FUCA2: variants seen among roughly 807,000 people sequenced by gnomAD.
The protein encoded by FUCA2 is plasma alpha-L-fucosidase.
A neutral mutation model predicts 52.6 loss-of-function variants in FUCA2; 41 were observed. The observed-to-expected ratio is 0.78, with a 90% CI of 0.61 to 1.01. The LOEUF (loss-of-function observed/expected upper bound fraction) is 1.01, where lower values mean the gene tolerates loss of function less well. FUCA2 is among the 50% of genes least tolerant of loss of function. FUCA2 has a pLI of 0.00. For synonymous variants in FUCA2, 211 were observed against 217.3 expected, an observed-to-expected ratio of 0.97 and a Z score of 0.26; for missense variants, 507 against 569.5, an observed-to-expected ratio of 0.89 and a Z score of 1.12.
Position 143,495,906 on chromosome 6 carries a change from T to C in FUCA2, c.1264-59A>G. On this transcript the variant is annotated intron_variant, in intron 6 of 6. Transcript: ENST00000002165. This position sits in a 1 kb window ranked among gnomAD's most constrained non-coding sequence, Gnocchi z 5.2. The stretch of plus-strand genomic sequence containing the variant: ...AATTTATCTCTTTATCTCACCCACT[T>C]TCTATTGGGAAGGAGTGATTAGTAG... 1.3e-6 allele frequency: 2 copies of C among 1,570,662 alleles called. No individual in the cohort carries two copies. Among genetic ancestry groups the C allele is most frequent in the South Asian group, 2.3e-5 (2 of 87,700 alleles).
chr6:143,507,406 T>C lies in FUCA2; in HGVS notation c.243A>G (p.Glu81=), dbSNP rs114388392. The C allele has an allele frequency of 1.6e-4, 261 of 1,598,666 alleles. 2 individuals carry two copies. The East Asian group carries it at 1.9e-3, about 12-fold the overall frequency. ...SEWFWWYWQK[E]KIPKYVEFMK... The stretch of plus-strand genomic sequence containing the variant: ...TAAATTCCACATACTTCGGTATCTT[T>C]TCCTTTTGCCAATACCACCTAAGGG... The change falls in exon 2 of 7, where the codon GAA becomes GAG. Residue 81 remains glutamate, a synonymous_variant. Coordinates refer to ENST00000002165, the MANE Select transcript of FUCA2 (RefSeq NM_032020.5). This position sits in a 1 kb window ranked among gnomAD's most constrained non-coding sequence, Gnocchi z 4.5.
rs947207316 is a variant in FUCA2, at chr6:143,511,038, T to C, written c.224+373A>G. Among the ~76,000 whole-genome samples the C allele has an allele frequency of 2.6e-5, 4 of 152,190 alleles. No homozygotes were observed. The highest frequency in any genetic ancestry group is 3.9e-4 in the East Asian group (2 of 5,192). On this transcript the variant is annotated intron_variant, in intron 1 of 6. Coordinates refer to ENST00000002165, the MANE Select transcript of FUCA2 (RefSeq NM_032020.5). The surrounding 1 kb of genome is among the most constrained non-coding windows in gnomAD (Gnocchi z 6.3). ...TTGGCAGGTAGCAGCAGAGCAACCATAGGCCATTGTGCCTGAGTCACCGCT... is the reference window on the plus strand; with the variant it reads ...TTGGCAGGTAGCAGCAGAGCAACCACAGGCCATTGTGCCTGAGTCACCGCT...
At position 143,511,572 on chromosome 6, in the gene FUCA2, C is replaced by T; in HGVS notation, c.63G>A (p.Leu21=). 1.2e-5 allele frequency: 19 copies of T among 1,561,054 alleles called. No homozygotes were observed. The highest frequency in any genetic ancestry group is 1.6e-5 in the Non-Finnish European group (19 of 1,153,384). ...FPLLLLLLLL[L]PPPPCPAHSA... ...TGTGGGCAGGGCACGGCGGCGGCGG[C>T]AGCAGCAGCAACAGCAACAGCAGCA... The change falls in exon 1 of 7, where the codon CTG becomes CTA. Residue 21 remains leucine, a synonymous_variant. Coordinates refer to ENST00000002165, the MANE Select transcript of FUCA2 (RefSeq NM_032020.5). The surrounding 1 kb of genome is among the most constrained non-coding windows in gnomAD (Gnocchi z 6.3).
intron 6 of FUCA2, chr6:143,496,464 G>C (rs1355376583): frequency 6.6e-6 from 1 of 152,062 alleles, no homozygotes; most frequent in African/African-American, 2.4e-5. Flanking sequence ...TCATACCTGG[G>C]CTACTAAGCT....
rs747323648 is a variant in FUCA2, at chr6:143,495,897, T to C, written c.1264-50A>G. 1 of 1,587,376 alleles carries C rather than the reference T, an allele frequency of 6.3e-7. No homozygotes were observed. The highest frequency in any genetic ancestry group is 8.6e-7 in the Non-Finnish European group (1 of 1,161,290). ...ATGTCTCCAAATTTATCTCTTTATC[T>C]CACCCACTTTCTATTGGGAAGGAGT... On this transcript the variant is annotated intron_variant, in intron 6 of 6. Transcript: ENST00000002165. The surrounding 1 kb of genome is among the most constrained non-coding windows in gnomAD (Gnocchi z 5.2).
rs1397585225 is a variant in FUCA2, at chr6:143,495,790, T to C, written c.1321A>G (p.Ile441Val). ...GTTAGCTGTGGCAGTTCTACCATAA[T>C]GCCATTTTGCTCCAAAGAAATCCAG... is the stretch of plus-strand genomic sequence containing the variant. Reference protein sequence around the residue: ...LNWISLEQNGIMVELPQLTIH... With the variant: ...LNWISLEQNGVMVELPQLTIH... Residue 441 changes from isoleucine (I) to valine (V), a missense_variant, in exon 7 of 7, where the codon ATT becomes GTT. Ile to Val is a conservative substitution (Grantham distance 29, BLOSUM62 3). Coordinates refer to ENST00000002165, the MANE Select transcript of FUCA2 (RefSeq NM_032020.5). The surrounding 1 kb of genome is among the most constrained non-coding windows in gnomAD (Gnocchi z 5.2). The C allele has an allele frequency of 2.5e-6, 4 of 1,614,008 alleles. No homozygotes were observed. Among genetic ancestry groups the C allele is most frequent in the Non-Finnish European group, 3.4e-6 (4 of 1,180,002 alleles).
At chr6:143,496,289 A>G (rs1584024209) in intron 6 of FUCA2, 1 of 153,872 alleles carries the variant, frequency 6.5e-6, no homozygotes, top group East Asian at 1.9e-4. Flanking sequence ...TAGTCTTACT[A>G]TACTAAGCAA....
In FUCA2 at chr6:143,502,398, T is replaced by A. The variant is rs1345621481; in HGVS notation, c.920A>T (p.Glu307Val). The change falls in exon 4 of 7, where the codon GAA becomes GTA. Residue 307 changes from glutamate to valine, a missense_variant. Physicochemically the swap from Glu to Val is moderately radical, Grantham distance 121 (BLOSUM62 -2). Transcript: ENST00000002165. The surrounding 1 kb of genome is among the most constrained non-coding windows in gnomAD (Gnocchi z 4.1). ...IDKLSWGYRR[E>V]AGISDYLTIE... Reference sequence around the variant, plus strand: ...TGTAAGATAGTCAGAGATTCCAGCTTCCCTCCTATAGCCCCAGGACAGTTT... The same window carrying A: ...TGTAAGATAGTCAGAGATTCCAGCTACCCTCCTATAGCCCCAGGACAGTTT... The A allele has an allele frequency of 1.2e-6, 2 of 1,614,032 alleles. No homozygotes were observed. The highest frequency in any genetic ancestry group is 4.5e-5 in the East Asian group (2 of 44,880).
Position 143,510,350 on chromosome 6 carries a change from C to A in FUCA2, c.224+1061G>T, listed in dbSNP as rs1780664552. 2.0e-5 allele frequency among the ~76,000 whole-genome samples: 3 copies of A among 151,946 alleles called. 1 individual carries two copies. The South Asian group carries it at 6.2e-4, about 32-fold the overall frequency. The stretch of plus-strand genomic sequence containing the variant: ...ATAAATACTGTTTAATGATTCCGTT[C>A]TTTTACTTAAGAATATATTATGTGT... On this transcript the variant is annotated intron_variant, in intron 1 of 6. Coordinates refer to ENST00000002165, the MANE Select transcript of FUCA2 (RefSeq NM_032020.5). This position sits in a 1 kb window ranked among gnomAD's most constrained non-coding sequence, Gnocchi z 4.4.
chr6:143,507,469 A>G lies in FUCA2; in HGVS notation c.225-45T>C, dbSNP rs1296329391. 7.2e-7 allele frequency: 1 copy of G among 1,384,008 alleles called. No homozygotes were observed. Among genetic ancestry groups the G allele is most frequent in the Non-Finnish European group, 9.7e-7 (1 of 1,028,456 alleles). The allele number at this position is 1,384,008 out of a possible 1,614,324, so 85.7% of individuals were successfully genotyped here. ...GAGTGCATAAACAGCACATACACAC[A>G]TATTTAAAAGAACTGCTCCAGCTCC... On this transcript the variant is annotated intron_variant, in intron 1 of 6. Coordinates refer to ENST00000002165, the MANE Select transcript of FUCA2 (RefSeq NM_032020.5). The surrounding 1 kb of genome is among the most constrained non-coding windows in gnomAD (Gnocchi z 4.5).
Position 143,502,019 on chromosome 6 carries a change from A to C in FUCA2, c.1067T>G (p.Met356Arg), listed in dbSNP as rs1780533584. The C allele has an allele frequency of 6.2e-7, 1 of 1,613,686 alleles. No individual in the cohort carries two copies. The highest frequency in any genetic ancestry group is 1.7e-5 in the Admixed American group (1 of 59,892). ...TCCATTGACTTTTAGCCAGGACCCC[A>C]TTTGCCTCAGTCGCTCCTCAAAAAC... ...SVVFEERLRQ[M>R]GSWLKVNGEA... The change falls in exon 5 of 7, where the codon ATG becomes AGG. Residue 356 changes from methionine (M) to arginine (R), a missense_variant. Coordinates refer to ENST00000002165, the MANE Select transcript of FUCA2 (RefSeq NM_032020.5). The surrounding 1 kb of genome is among the most constrained non-coding windows in gnomAD (Gnocchi z 4.1).
chr6:143,502,022 T>G lies in FUCA2; in HGVS notation c.1064A>C (p.Gln355Pro). Reference protein sequence around the residue: ...ISVVFEERLRQMGSWLKVNGE... With the variant: ...ISVVFEERLRPMGSWLKVNGE... ...ATTGACTTTTAGCCAGGACCCCATT[T>G]GCCTCAGTCGCTCCTCAAAAACTAC... Residue 355 changes from glutamine to proline, a missense_variant, in exon 5 of 7, where the codon CAA becomes CCA. Gln to Pro is a moderately conservative substitution (Grantham distance 76). Transcript: ENST00000002165. This position sits in a 1 kb window ranked among gnomAD's most constrained non-coding sequence, Gnocchi z 4.1. 6.2e-7 allele frequency: 1 copy of G among 1,613,962 alleles called. No homozygotes were observed. The highest frequency in any genetic ancestry group is 8.5e-7 in the Non-Finnish European group (1 of 1,179,930).
intron 1 of FUCA2, among the ~76,000 whole-genome samples, chr6:143,508,092 G>A (rs2099203666): frequency 6.6e-6 from 1 of 152,206 alleles, no homozygotes; most frequent in Non-Finnish European, 1.5e-5. Context: ...AACATAATAT[G>A]CATCTATTAT....
Position 143,504,082 on chromosome 6 carries a change from C to T in FUCA2, c.583G>A (p.Glu195Lys), listed in dbSNP as rs773098292. Residue 195 changes from glutamate to lysine, a missense_variant, in exon 3 of 7, where the codon GAA becomes AAA. Physicochemically the swap from Glu to Lys is moderately conservative, Grantham distance 56. Transcript: ENST00000002165. The surrounding 1 kb of genome is among the most constrained non-coding windows in gnomAD (Gnocchi z 4.4). ...EWFHPLFLED[E>K]SSSFHKRQFP... is the part of the protein sequence containing the mutation. The stretch of plus-strand genomic sequence containing the variant: ...TGCCGCTTATGGAATGAACTGGATT[C>T]ATCCTCAAGGAAGAGCGGATGAAAC... The T allele has an allele frequency of 1.2e-6, 2 of 1,614,164 alleles. No individual in the cohort carries two copies.
At chr6:143,498,935 G>C (rs1780498823) in intron 5 of FUCA2, among the ~76,000 whole-genome samples, 1 of 151,380 alleles carries the variant, frequency 6.6e-6, no homozygotes. Context: ...CAAAGATGCA[G>C]AGGATGATAT....
chr6:143,503,120 C>T lies in FUCA2; in HGVS notation c.753-555G>A, dbSNP rs548236505. On this transcript the variant is annotated intron_variant, in intron 3 of 6. Coordinates refer to ENST00000002165, the MANE Select transcript of FUCA2 (RefSeq NM_032020.5). The surrounding 1 kb of genome is among the most constrained non-coding windows in gnomAD (Gnocchi z 4.8). ...AGGTGGCATATTTAAGAGGGAAATA[C>T]ACGCCACATAGAGGGAACAGTTTTG... is the stretch of plus-strand genomic sequence containing the variant. 3 of 153,488 alleles carry T rather than the reference C, an allele frequency of 2.0e-5. No homozygotes were observed. The East Asian group carries it at 5.8e-4, about 30-fold the overall frequency. 9.5% of individuals were successfully genotyped at this position (153,488 alleles called of 1,614,324 possible). A position where few individuals can be genotyped will look rare whatever the true frequency, so the allele number is the denominator to read the frequency against.
chr6:143,504,981 A>G lies in FUCA2; in HGVS notation c.413-729T>C, dbSNP rs897039762. ...CTTTAATAAAATTACCCAAAAGTGA[A>G]TAGTCTACCAACTACATAGATAAGA... is the stretch of plus-strand genomic sequence containing the variant. On this transcript the variant is annotated intron_variant, in intron 2 of 6. Transcript: ENST00000002165. The surrounding 1 kb of genome is among the most constrained non-coding windows in gnomAD (Gnocchi z 4.4). 4.6e-5 allele frequency: 7 copies of G among 152,246 alleles called. No individual in the cohort carries two copies. The highest frequency in any genetic ancestry group is 1.7e-4 in the African/African-American group (7 of 41,458). 9.4% of individuals were successfully genotyped at this position (152,246 alleles called of 1,614,324 possible). A position where few individuals can be genotyped will look rare whatever the true frequency, so the allele number is the denominator to read the frequency against.
In FUCA2 at chr6:143,497,658, C is replaced by T. The variant is rs1054070092; in HGVS notation, c.1155-161G>A. Among the ~76,000 whole-genome samples, 16 of 152,094 alleles carry T rather than the reference C, an allele frequency of 1.1e-4. No individual in the cohort carries two copies. Among genetic ancestry groups the T allele is most frequent in the African/African-American group, 3.9e-4 (16 of 41,418 alleles). On this transcript the variant is annotated intron_variant, in intron 5 of 6. Transcript: ENST00000002165. This position sits in a 1 kb window ranked among gnomAD's most constrained non-coding sequence, Gnocchi z 5.3. ...ATAGCCTCATGGTGGTATAAAAAAA[C>T]ACCTTCCTCCCCCAAGACCAAAAGG...
Position 143,506,901 on chromosome 6 carries a change from G to A in FUCA2, c.412+336C>T, listed in dbSNP as rs118021283. On this transcript the variant is annotated intron_variant, in intron 2 of 6. Coordinates refer to ENST00000002165, the MANE Select transcript of FUCA2 (RefSeq NM_032020.5). The stretch of plus-strand genomic sequence containing the variant: ...TCACAGGATGCATTACAGAGAAGGG[G>A]AAGGAAAGAGTGCAATTCCAAGATG... 5.3e-3 allele frequency: 1,472 copies of A among 280,126 alleles called. 6 individuals carry two copies. The highest frequency in any genetic ancestry group is 8.5e-3 in the Middle Eastern group (8 of 944). 17.4% of individuals were successfully genotyped at this position (280,126 alleles called of 1,614,324 possible).
Sources: gnomAD v4.1 joint callset for allele counts (sites outside exome capture counted in the v4.1 genomes callset) on GRCh38, gnomAD v4.1.1 for gene constraint, Gnocchi (gnomAD v3.1) non-coding constraint, MANE v1.5 for transcripts, NCBI Gene and HGNC (gene_info 2026-07-23, HGNC 2026-07-21) for gene names.